Variants in PARD6G observed in about 807,000 individuals in gnomAD.
PARD6G encodes partitioning defective 6 homolog gamma.
PARD6G carries 7 observed loss-of-function variants against 10.7 expected under a neutral mutation model. That is an observed-to-expected ratio of 0.66 (90% confidence interval 0.37 to 1.23). The LOEUF is 1.23. Ranked by LOEUF, PARD6G falls within the 50% of genes most tolerant of loss-of-function variation. The probability of loss-of-function intolerance (pLI) is 0.02; values close to 1 mark genes in which losing one functional copy is unlikely to be tolerated. For missense variants in PARD6G, 548 were observed against 571.8 expected, an observed-to-expected ratio of 0.96 and a Z score of 0.42; for synonymous variants, 287 against 269.4, an observed-to-expected ratio of 1.07 and a Z score of -0.64.
intron 1 of PARD6G, among the ~76,000 whole-genome samples, chr18:80,222,374 C>A (rs1050139853): frequency 6.6e-6 from 1 of 152,140 alleles, no homozygotes; most frequent in Non-Finnish European, 1.5e-5. Context: ...TAAGCATGAG[C>A]CATGGCACCC....
rs2145312617 is a variant in PARD6G at position 80,247,211 on chromosome 18, G to A, written c.72+66C>T. ...CTCCACGCCGCCCCAGTCCCCCTCC[G>A]CGGGGCGCCCCATTCATTAGCCAGG... On this transcript the variant is annotated intron_variant, in intron 1 of 2. Coordinates refer to ENST00000353265, the MANE Select transcript of PARD6G (RefSeq NM_032510.4). This position sits in a 1 kb window ranked among gnomAD's most constrained non-coding sequence, Gnocchi z 4.2. The A allele has an allele frequency of 7.4e-7, 1 of 1,348,142 alleles. No homozygotes were observed. Among genetic ancestry groups the A allele is most frequent in the Non-Finnish European group, 1.0e-6 (1 of 983,778 alleles). The allele number at this position is 1,348,142 out of a possible 1,614,324, so 83.5% of individuals were successfully genotyped here.
At chr18:80,241,498 T>C (rs151313978) in intron 1 of PARD6G, among the ~76,000 whole-genome samples, 2 of 144,650 alleles carry the variant, frequency 1.4e-5, no homozygotes, top group Non-Finnish European at 2.9e-5. Context: ...TACAGTATTG[T>C]GATGGGCATT....
rs2052893466 is a variant in PARD6G at position 80,188,875 on chromosome 18, T to C, written c.295+13835A>G. The stretch of plus-strand genomic sequence containing the variant: ...AATCCCTACCGTTTCCCCACGTTCG[T>C]GAGGGAGGTGTGGACTTGCTGGGGC... On this transcript the variant is annotated intron_variant, in intron 2 of 2. Transcript: ENST00000353265. This position sits in a 1 kb window ranked among gnomAD's most constrained non-coding sequence, Gnocchi z 5.4. 6.6e-6 allele frequency among the ~76,000 whole-genome samples: 1 copy of C among 152,006 alleles called. No homozygotes were observed. The highest frequency in any genetic ancestry group is 1.5e-5 in the Non-Finnish European group (1 of 67,980).
intron 1 of PARD6G, among the ~76,000 whole-genome samples, chr18:80,220,132 G>A (rs1373391243): frequency 1.3e-5 from 2 of 152,170 alleles, no homozygotes; most frequent in African/African-American, 2.4e-5. Context: ...AATTCATGGT[G>A]GAAGGGGAAG....
At chr18:80,167,542 G>A (rs952430741) in intron 2 of PARD6G, among the ~76,000 whole-genome samples, 14 of 152,192 alleles carry the variant, frequency 9.2e-5, no homozygotes, top group African/African-American at 2.7e-4. Flanking sequence ...CAGCAGCAAC[G>A]CTCCACCATG....
At chr18:80,191,636 T>C (rs139223730) in intron 2 of PARD6G, among the ~76,000 whole-genome samples, 4 of 152,212 alleles carry the variant, frequency 2.6e-5, no homozygotes, top group African/African-American at 9.6e-5. Flanking sequence ...ATCATTTAGG[T>C]TTTGGTCTAT....
intron 2 of PARD6G, among the ~76,000 whole-genome samples, chr18:80,177,218 G>GCACACACACACACACACA (rs35217634): frequency 2.0e-5 from 2 of 98,784 alleles, no homozygotes; most frequent in Non-Finnish European, 3.7e-5. Context: ...AATGGGAAGC[G>GCACACACACACACACACA]CACACACACA....
intron 1 of PARD6G, among the ~76,000 whole-genome samples, chr18:80,214,529 G>T (rs531795403): frequency 2.6e-5 from 4 of 152,186 alleles, no homozygotes; most frequent in African/African-American, 9.6e-5. Flanking sequence ...AATTATAAAA[G>T]TAGACCCAAG....
intron 2 of PARD6G, among the ~76,000 whole-genome samples, chr18:80,193,745 G>A (rs985044023): frequency 1.3e-5 from 2 of 152,222 alleles, no homozygotes; most frequent in Non-Finnish European, 2.9e-5. Context: ...GTGGCTCCGA[G>A]TGGAACTGCT....
At chr18:80,234,039 G>C (rs916014062) in intron 1 of PARD6G, among the ~76,000 whole-genome samples, 2 of 152,200 alleles carry the variant, frequency 1.3e-5, no homozygotes, top group African/African-American at 4.8e-5. Context: ...CAGGCTGAAG[G>C]TGGAGTGGAA....
intron 2 of PARD6G, among the ~76,000 whole-genome samples, chr18:80,168,252 T>C (rs1034420260): frequency 6.6e-6 from 1 of 152,146 alleles, no homozygotes; most frequent in African/African-American, 2.4e-5. Flanking sequence ...TGCGGTGGTA[T>C]GGGGACGAGG....
At chr18:80,230,542 G>A (rs1364320544) in intron 1 of PARD6G, among the ~76,000 whole-genome samples, 2 of 152,202 alleles carry the variant, frequency 1.3e-5, no homozygotes, top group South Asian at 2.1e-4. Context: ...TGATGATGGT[G>A]CAGCCGTTGG....
At position 80,247,265 on chromosome 18, in the gene PARD6G, C is replaced by G. The variant is rs1568153435; in HGVS notation, c.72+12G>C. 3 of 1,570,064 alleles carry G rather than the reference C, an allele frequency of 1.9e-6. No individual in the cohort carries two copies. In the South Asian group the frequency reaches 3.4e-5, roughly 18 times the overall value. On this transcript the variant is annotated intron_variant, in intron 1 of 2. Coordinates refer to ENST00000353265, the MANE Select transcript of PARD6G (RefSeq NM_032510.4). This position sits in a 1 kb window ranked among gnomAD's most constrained non-coding sequence, Gnocchi z 4.2. ...CTGGGCGCAGGGCCGCCGGGGCGGG[C>G]GGGGGGCTTACCTTGCTCTTGACTT...
chr18:80,204,652 C>A (rs1324198491), intron 1 of PARD6G, among the ~76,000 whole-genome samples: 4 of 151,450 alleles, frequency 2.6e-5, no homozygotes, highest in Non-Finnish European at 5.9e-5. Context: ...TGGGACAATT[C>A]AAAATACTGG....
intron 1 of PARD6G, among the ~76,000 whole-genome samples, chr18:80,208,224 T>C (rs1967073468): frequency 6.6e-6 from 1 of 152,200 alleles, no homozygotes; most frequent in Non-Finnish European, 1.5e-5. Flanking sequence ...GTAAATTACA[T>C]CCTTTGCAAA....
chr18:80,218,413 G>T (rs1967193517), intron 1 of PARD6G, among the ~76,000 whole-genome samples: 1 of 152,052 alleles, frequency 6.6e-6, no homozygotes, highest in Non-Finnish European at 1.5e-5. Flanking sequence ...AATCTGACAG[G>T]GCAGTCACTA....
chr18:80,230,701 C>A (rs1249958004), intron 1 of PARD6G, among the ~76,000 whole-genome samples: 1 of 152,168 alleles, frequency 6.6e-6, no homozygotes, highest in Admixed American at 6.5e-5. Context: ...CCAATGCACC[C>A]AGCACTGCTA....
intron 1 of PARD6G, among the ~76,000 whole-genome samples, chr18:80,209,686 C>A (rs1447059055): frequency 6.6e-6 from 1 of 152,084 alleles, no homozygotes; most frequent in African/African-American, 2.4e-5. Flanking sequence ...GTGGCACACG[C>A]CTGTAGTCTC....
chr18:80,216,462 G>A (rs1436032249), intron 1 of PARD6G, among the ~76,000 whole-genome samples: 1 of 151,916 alleles, frequency 6.6e-6, no homozygotes, highest in African/African-American at 2.4e-5. Context: ...ATCAATAAAA[G>A]AAGAAAATGT....
Sources: allele counts gnomAD v4.1 joint callset (sites outside exome capture counted in the v4.1 genomes callset), GRCh38; gene constraint gnomAD v4.1.1; non-coding constraint Gnocchi (gnomAD v3.1); transcripts MANE v1.5; gene names NCBI Gene and HGNC (gene_info 2026-07-23, HGNC 2026-07-21).